Variants in TCF19 observed in about 807,000 individuals in gnomAD.
The protein encoded by TCF19 is transcription factor 19.
Under a neutral mutation model 18.3 loss-of-function variants are expected in TCF19, and 9 were observed. The ratio of observed to expected loss-of-function variants is 0.49; its 90% CI spans 0.30 to 0.86. The LOEUF (loss-of-function observed/expected upper bound fraction) is 0.86, where lower values mean the gene tolerates loss of function less well. TCF19 is among the 40% of genes least tolerant of loss of function. TCF19 has a pLI of 0.07. For synonymous variants in TCF19, 176 were observed against 185.3 expected, an observed-to-expected ratio of 0.95 and a Z score of 0.41; for missense variants, 376 against 464.3, an observed-to-expected ratio of 0.81 and a Z score of 1.75.
chr6:31,160,250 A>G (rs967138845), intron 2 of TCF19, among the ~76,000 whole-genome samples: 51 of 152,148 alleles, frequency 3.4e-4, no homozygotes, highest in African/African-American at 1.0e-3. Context: ...AAGTGTATTG[A>G]ATGTAGGTGG....
Position 31,161,621 on chromosome 6 carries a change from G to A in TCF19, c.413G>A (p.Arg138Gln), listed in dbSNP as rs752327354. The change falls in exon 3 of 4, where the codon CGG (arginine) becomes CAG (glutamine). Residue 138 changes from arginine to glutamine, a missense_variant. Physicochemically the swap from Arg to Gln is conservative, Grantham distance 43 (BLOSUM62 1). Coordinates refer to ENST00000376257, the MANE Select transcript of TCF19 (RefSeq NM_007109.3). Reference protein sequence around the residue: ...PQDFAAITIPRSRGEARVGAG... With the variant: ...PQDFAAITIPQSRGEARVGAG... ...GACTTTGCTGCCATTACCATCCCAC[G>A]GTCTAGGGGAGAAGCCCGGGTTGGG... The A allele has an allele frequency of 5.8e-6, 9 of 1,549,974 alleles. No homozygotes were observed. Among genetic ancestry groups the A allele is most frequent in the South Asian group, 3.7e-5 (3 of 80,904 alleles).
chr6:31,162,889 C>A lies in TCF19; in HGVS notation c.*172C>A. 1 of 1,422,562 alleles carries A rather than the reference C, an allele frequency of 7.0e-7. No individual in the cohort carries two copies. The highest frequency in any genetic ancestry group is 9.1e-7 in the Non-Finnish European group (1 of 1,093,080). The allele number at this position is 1,422,562 out of a possible 1,614,324, so 88.1% of individuals were successfully genotyped here. ...AGGGCCTGGAGCAGACCCTGGTGGCCAAGACAGAAGAGATGGTTTCCTGCC... is the reference window on the plus strand; with the variant it reads ...AGGGCCTGGAGCAGACCCTGGTGGCAAAGACAGAAGAGATGGTTTCCTGCC... On this transcript the variant is annotated 3_prime_UTR_variant, in exon 4 of 4. Transcript: ENST00000376257. The surrounding 1 kb of genome is among the most constrained non-coding windows in gnomAD (Gnocchi z 4.5).
At chr6:31,159,902 T>C (rs1452198283) in intron 2 of TCF19, among the ~76,000 whole-genome samples, 195 bp downstream of exon 2, 6 of 152,186 alleles carry the variant, frequency 3.9e-5, no homozygotes, top group African/African-American at 1.4e-4. Context: ...CCCTTTTTGG[T>C]CCCGTTTAGC....
rs1263034165 is a variant in TCF19 at position 31,164,127 on chromosome 6, G to C, written c.*1410G>C. ...AACAGGTAACAGCTACATGGTGACT[G>C]AGTCTATGGGCAAAAGTTCTTGCAT... On this transcript the variant is annotated 3_prime_UTR_variant, in exon 4 of 4. Coordinates refer to ENST00000376257, the MANE Select transcript of TCF19 (RefSeq NM_007109.3). The C allele has an allele frequency of 1.9e-6, 2 of 1,068,538 alleles. No homozygotes were observed. Among genetic ancestry groups the C allele is most frequent in the African/African-American group, 1.7e-5 (1 of 59,718 alleles). 66.2% of individuals were successfully genotyped at this position (1,068,538 alleles called of 1,614,324 possible).
rs547222427 is a variant in TCF19, at chr6:31,162,894, C to G, written c.*177C>G. ...CTGGAGCAGACCCTGGTGGCCAAGA[C>G]AGAAGAGATGGTTTCCTGCCAAAGA... On this transcript the variant is annotated 3_prime_UTR_variant, in exon 4 of 4. Coordinates refer to ENST00000376257, the MANE Select transcript of TCF19 (RefSeq NM_007109.3). This position sits in a 1 kb window ranked among gnomAD's most constrained non-coding sequence, Gnocchi z 4.5. 2.1e-6 allele frequency: 3 copies of G among 1,416,870 alleles called. No homozygotes were observed. The highest frequency in any genetic ancestry group is 1.6e-5 in the South Asian group (1 of 64,110). 87.8% of individuals were successfully genotyped at this position (1,416,870 alleles called of 1,614,324 possible).
rs752624606 is a variant in TCF19 at position 31,162,106 on chromosome 6, CG to C, written c.797+104del. ...GTCCCCCTGCCTGGGGGGATGGGCA[CG>C]GGAGGTGGAATAGATGGAATGGCAA... On this transcript the variant is annotated intron_variant, in intron 3 of 3. Transcript: ENST00000376257. The surrounding 1 kb of genome is among the most constrained non-coding windows in gnomAD (Gnocchi z 4.5). 7.7e-7 allele frequency: 1 copy of C among 1,306,258 alleles called. No homozygotes were observed. The highest frequency in any genetic ancestry group is 1.0e-6 in the Non-Finnish European group (1 of 969,164). The allele number at this position is 1,306,258 out of a possible 1,614,324, so 80.9% of individuals were successfully genotyped here. A position where few individuals can be genotyped will look rare whatever the true frequency, so the allele number is the denominator to read the frequency against.
chr6:31,159,700 C>A lies in TCF19; in HGVS notation c.231C>A (p.Ser77Arg), dbSNP rs1776622810. 1.2e-6 allele frequency: 2 copies of A among 1,613,998 alleles called. No individual in the cohort carries two copies. Among genetic ancestry groups the A allele is most frequent in the African/African-American group, 2.7e-5 (2 of 74,944 alleles). Residue 77 changes from serine (S) to arginine (R), a missense_variant, in exon 2 of 4, where the codon AGC (serine) becomes AGA (arginine). Ser to Arg is a moderately radical substitution (Grantham distance 110, BLOSUM62 -1). Transcript: ENST00000376257. ...GGAGGGTCAGCCTGGAAGACCACAG[C>A]AGCCAAGGTGAGCATTAAGCAGGGC... is the stretch of plus-strand genomic sequence containing the variant. ...DDWRVSLEDH[S>R]SQGTLVNNVR...
chr6:31,159,530 T>A lies in TCF19; in HGVS notation c.61T>A (p.Phe21Ile). The A allele has an allele frequency of 6.2e-7, 1 of 1,605,012 alleles. No individual in the cohort carries two copies. The highest frequency in any genetic ancestry group is 8.5e-7 in the Non-Finnish European group (1 of 1,176,386). ...GGGRGGDLYT[F>I]HPPAGAGCTY... The stretch of plus-strand genomic sequence containing the variant: ...CGGCAGGGGCGGTGATCTCTACACC[T>A]TCCACCCCCCCGCCGGGGCTGGCTG... The change falls in exon 2 of 4, where the codon TTC (phenylalanine) becomes ATC (isoleucine). Residue 21 changes from phenylalanine to isoleucine, a missense_variant. By Grantham distance (21) the Phe-to-Ile change is conservative. Coordinates refer to ENST00000376257, the MANE Select transcript of TCF19 (RefSeq NM_007109.3).
intron 2 of TCF19, 29 bp from the exon 3 acceptor site, chr6:31,161,418 A>G (rs762981966): frequency 3.6e-6 from 5 of 1,379,902 alleles, no homozygotes; most frequent in Admixed American, 2.9e-5. Flanking sequence ...TTTGTCCTCC[A>G]TATTTGCCTG....
chr6:31,162,545 G>C lies in TCF19; in HGVS notation c.866G>C (p.Gly289Ala), dbSNP rs1312485316. Residue 289 changes from glycine (G) to alanine (A), a missense_variant, in exon 4 of 4, where the codon GGG becomes GCG. Coordinates refer to ENST00000376257, the MANE Select transcript of TCF19 (RefSeq NM_007109.3). This position sits in a 1 kb window ranked among gnomAD's most constrained non-coding sequence, Gnocchi z 4.5. Reference sequence around the variant, plus strand: ...ATGGCTCCCCCTGCAGTTGGGGGCGGGGAGCCCTGTGCAGCTCCTTGTTGC... The same window carrying C: ...ATGGCTCCCCCTGCAGTTGGGGGCGCGGAGCCCTGTGCAGCTCCTTGTTGC... ...APMAPPAVGG[G>A]EPCAAPCCCL... 3.1e-6 allele frequency: 5 copies of C among 1,612,756 alleles called. No individual in the cohort carries two copies. Among genetic ancestry groups the C allele is most frequent in the African/African-American group, 1.3e-5 (1 of 74,862 alleles).
intron 2 of TCF19, among the ~76,000 whole-genome samples, chr6:31,160,954 G>A (rs554790506): frequency 8.5e-5 from 13 of 152,084 alleles, no homozygotes; most frequent in Admixed American, 7.9e-4. Flanking sequence ...TCAGGAGTAT[G>A]AGACCAGCCT....
Position 31,162,376 on chromosome 6 carries a change from T to G in TCF19, c.798-101T>G. ...GCTCACCTTAGTTCTCAGACCACTG[T>G]GCCTCTGTGGCCTCACCCTATGACC... On this transcript the variant is annotated intron_variant, in intron 3 of 3. Coordinates refer to ENST00000376257, the MANE Select transcript of TCF19 (RefSeq NM_007109.3). The surrounding 1 kb of genome is among the most constrained non-coding windows in gnomAD (Gnocchi z 4.5). 6.8e-7 allele frequency: 1 copy of G among 1,469,948 alleles called. No individual in the cohort carries two copies. The highest frequency in any genetic ancestry group is 2.3e-5 in the East Asian group (1 of 43,756). 91.1% of individuals were successfully genotyped at this position (1,469,948 alleles called of 1,614,324 possible).
rs1428005644 is a variant in TCF19, at chr6:31,163,188, C to CT, written c.*475dup. 3.0e-6 allele frequency: 3 copies of CT among 998,798 alleles called. No homozygotes were observed. The highest frequency in any genetic ancestry group is 3.6e-6 in the Non-Finnish European group (3 of 838,044). The allele number at this position is 998,798 out of a possible 1,614,324, so 61.9% of individuals were successfully genotyped here. A position where few individuals can be genotyped will look rare whatever the true frequency, so the allele number is the denominator to read the frequency against. On this transcript the variant is annotated 3_prime_UTR_variant, in exon 4 of 4. Transcript: ENST00000376257. ...TGCCAACAAAATCGTAGCGACCTGG[C>CT]TTTTCACAGCTTTGCTTTTATTTCC...
Position 31,163,218 on chromosome 6 carries a change from C to T in TCF19, c.*501C>T. On this transcript the variant is annotated 3_prime_UTR_variant, in exon 4 of 4. Coordinates refer to ENST00000376257, the MANE Select transcript of TCF19 (RefSeq NM_007109.3). ...CACAGCTTTGCTTTTATTTCCAAGT[C>T]AAGGACAAGCCGCTTCATTCACTCC... 1.0e-6 allele frequency: 1 copy of T among 994,640 alleles called. No individual in the cohort carries two copies. Among genetic ancestry groups the T allele is most frequent in the Non-Finnish European group, 1.2e-6 (1 of 835,122 alleles). 61.6% of individuals were successfully genotyped at this position (994,640 alleles called of 1,614,324 possible). A position where few individuals can be genotyped will look rare whatever the true frequency, so the allele number is the denominator to read the frequency against.
chr6:31,159,485 C>T lies in TCF19; in HGVS notation c.16C>T (p.Gln6Ter), dbSNP rs1394406040. ...GGCACCGCCCATGCTGCCCTGCTTC[C>T]AACTGCTGCGCATAGGGGGCGGCAG... MLPCF[Q>*]LLRIGGGRGG... Residue 6 changes from glutamine (Q) to a stop codon, truncating the protein, a stop_gained, in exon 2 of 4, where the codon CAA (glutamine) becomes TAA (stop). Transcript: ENST00000376257. LOFTEE classifies it high-confidence loss of function. 7 of 1,577,572 alleles carry T rather than the reference C, an allele frequency of 4.4e-6. No individual in the cohort carries two copies. The highest frequency in any genetic ancestry group is 5.2e-6 in the Non-Finnish European group (6 of 1,162,286).
At position 31,163,768 on chromosome 6, in the gene TCF19, CCTGTT is replaced by C; in HGVS notation, c.*1054_*1058del. The C allele has an allele frequency of 1.0e-6, 1 of 985,408 alleles. No homozygotes were observed. Among genetic ancestry groups the C allele is most frequent in the Non-Finnish European group, 1.2e-6 (1 of 829,942 alleles). The allele number at this position is 985,408 out of a possible 1,614,324, so 61.0% of individuals were successfully genotyped here. A position where few individuals can be genotyped will look rare whatever the true frequency, so the allele number is the denominator to read the frequency against. On this transcript the variant is annotated 3_prime_UTR_variant, in exon 4 of 4. Coordinates refer to ENST00000376257, the MANE Select transcript of TCF19 (RefSeq NM_007109.3). ...CTATAGAAATAAAGCCTTATCTTGA[CCTGTT>C]CTATTAAAACCTGCCACACCCGCCC...
Position 31,163,846 on chromosome 6 carries a change from G to T in TCF19, c.*1129G>T, listed in dbSNP as rs976116555. On this transcript the variant is annotated 3_prime_UTR_variant, in exon 4 of 4. Coordinates refer to ENST00000376257, the MANE Select transcript of TCF19 (RefSeq NM_007109.3). ...CCCAAGTTTTTAAAATGGAAGAAAT[G>T]ACTCTGGGGCAAAGACCCCTAATGA... The T allele has an allele frequency of 3.0e-6, 3 of 984,858 alleles. No homozygotes were observed. The African/African-American group carries it at 5.3e-5, about 17-fold the overall frequency. 61.0% of individuals were successfully genotyped at this position (984,858 alleles called of 1,614,324 possible). A position where few individuals can be genotyped will look rare whatever the true frequency, so the allele number is the denominator to read the frequency against.
chr6:31,159,650 C>T lies in TCF19; in HGVS notation c.181C>T (p.His61Tyr). 6.2e-7 allele frequency: 1 copy of T among 1,614,068 alleles called. No individual in the cohort carries two copies. The highest frequency in any genetic ancestry group is 8.5e-7 in the Non-Finnish European group (1 of 1,180,044). Residue 61 changes from histidine (H) to tyrosine (Y), a missense_variant, in exon 2 of 4, where the codon CAT (histidine) becomes TAT (tyrosine). Coordinates refer to ENST00000376257, the MANE Select transcript of TCF19 (RefSeq NM_007109.3). The part of the protein sequence containing the change: ...GLISGIHAEL[H>Y]AEPRGDDWRV... ...CATCTCTGGGATCCACGCCGAACTG[C>T]ATGCCGAGCCCCGGGGTGATGACTG...
At position 31,163,851 on chromosome 6, in the gene TCF19, T is replaced by C; in HGVS notation, c.*1134T>C. ...GTTTTTAAAATGGAAGAAATGACTC[T>C]GGGGCAAAGACCCCTAATGAACTAG... On this transcript the variant is annotated 3_prime_UTR_variant, in exon 4 of 4. Coordinates refer to ENST00000376257, the MANE Select transcript of TCF19 (RefSeq NM_007109.3). 2.0e-6 allele frequency: 2 copies of C among 985,238 alleles called. No homozygotes were observed. The highest frequency in any genetic ancestry group is 2.4e-6 in the Non-Finnish European group (2 of 829,906). 61.0% of individuals were successfully genotyped at this position (985,238 alleles called of 1,614,324 possible). A position where few individuals can be genotyped will look rare whatever the true frequency, so the allele number is the denominator to read the frequency against.
Sources: gnomAD v4.1 joint callset for allele counts (sites outside exome capture counted in the v4.1 genomes callset) on GRCh38, gnomAD v4.1.1 for gene constraint, Gnocchi (gnomAD v3.1) non-coding constraint, MANE v1.5 for transcripts, NCBI Gene and HGNC (gene_info 2026-07-23, HGNC 2026-07-21) for gene names.